KIAA0753: variants seen among roughly 807,000 people sequenced by gnomAD.
The protein encoded by KIAA0753 is KIAA0753.
Under a neutral mutation model 116.9 loss-of-function variants are expected in KIAA0753, and 114 were observed. The ratio of observed to expected loss-of-function variants is 0.98; its 90% CI spans 0.84 to 1.14. KIAA0753 has a LOEUF of 1.14. Ranked by LOEUF, KIAA0753 falls within the 50% of genes most tolerant of loss-of-function variation. KIAA0753 has a pLI of 0.00. For synonymous variants in KIAA0753, 405 were observed against 413.1 expected (o/e 0.98, Z 0.24); for missense variants, 1,156 against 1,172.4 (o/e 0.99, Z 0.20).
At chr17:6,584,403 G>C (rs1968414235) in intron 18 of KIAA0753, among the ~76,000 whole-genome samples, 1 of 152,198 alleles carries the variant, frequency 6.6e-6, no homozygotes, top group Non-Finnish European at 1.5e-5. Flanking sequence ...AGATTACCAA[G>C]TGCGTCATCA....
intron 16 of KIAA0753, among the ~76,000 whole-genome samples, chr17:6,593,466 C>G (rs1030115369): frequency 8.5e-5 from 13 of 152,058 alleles, no homozygotes; most frequent in Admixed American, 4.6e-4. Flanking sequence ...AATCCCAGCA[C>G]TTCCGGAGGC....
In KIAA0753 at chr17:6,608,216, T is replaced by C. The variant is rs1439490538; in HGVS notation, c.1829+132A>G. On this transcript the variant is annotated intron_variant, in intron 10 of 18. Coordinates refer to ENST00000361413, the MANE Select transcript of KIAA0753 (RefSeq NM_014804.3). The stretch of plus-strand genomic sequence containing the variant: ...AATAAACTACATTTTATGTATTTAT[T>C]CTATTTTTAAAAATAATCTACATTT... 1.9e-5 allele frequency: 8 copies of C among 425,132 alleles called. No homozygotes were observed. The East Asian group carries it at 2.6e-4, about 14-fold the overall frequency. The allele number at this position is 425,132 out of a possible 1,614,324, so 26.3% of individuals were successfully genotyped here. A position where few individuals can be genotyped will look rare whatever the true frequency, so the allele number is the denominator to read the frequency against.
rs1969016304 is a variant in KIAA0753, at chr17:6,591,068, G to GAAT, written c.2441-439_2441-438insATT. Among the ~76,000 whole-genome samples, 50 of 51,354 alleles carry GAAT rather than the reference G, an allele frequency of 9.7e-4. 3 individuals carry two copies. The highest frequency in any genetic ancestry group is 1.8e-3 in the Non-Finnish European group (44 of 23,798). 33.7% of individuals were successfully genotyped at this position (51,354 alleles called of 152,430 possible). ...AGAAGAAGAAGAAGAAGAAGAAGAA[G>GAAT]AAGAAGAAGAAGAAGAAGAAGAAGA... On this transcript the variant is annotated intron_variant, in intron 16 of 18. Coordinates refer to ENST00000361413, the MANE Select transcript of KIAA0753 (RefSeq NM_014804.3).
At position 6,579,038 on chromosome 17, in the gene KIAA0753, T is replaced by A. The variant is rs957418482; in HGVS notation, c.*709A>T. ...TCCTCTCCTGATTCCTCAAACTTCC[T>A]CTGAATCCAGAGAAAGTTTTTTATA... is the stretch of plus-strand genomic sequence containing the variant. On this transcript the variant is annotated 3_prime_UTR_variant, in exon 19 of 19. Transcript: ENST00000361413. The A allele has an allele frequency of 1.3e-5, 2 of 152,206 alleles. No homozygotes were observed. The highest frequency in any genetic ancestry group is 4.8e-5 in the African/African-American group (2 of 41,430). The allele number at this position is 152,206 out of a possible 1,614,324, so 9.4% of individuals were successfully genotyped here.
In KIAA0753 at chr17:6,596,221, G is replaced by T. The variant is rs778837881; in HGVS notation, c.2295C>A (p.Thr765=). ...AKILGSETLA[T]VEDSKDSPDL... ...CTGGGCTATCCTTGCTGTCCTCAAC[G>T]GTGGCTAAGGTTTCAGACCCCAAGA... Residue 765 remains threonine, a synonymous_variant, in exon 15 of 19, where the codon ACC becomes ACA. Transcript: ENST00000361413. 6.2e-7 allele frequency: 1 copy of T among 1,613,712 alleles called. No individual in the cohort carries two copies. Among genetic ancestry groups the T allele is most frequent in the Non-Finnish European group, 8.5e-7 (1 of 1,179,860 alleles).
chr17:6,624,297 C>A (rs1971514593), intron 4 of KIAA0753, among the ~76,000 whole-genome samples: 1 of 152,128 alleles, frequency 6.6e-6, no homozygotes, highest in South Asian at 2.1e-4. Context: ...TTTACTATTA[C>A]AAGCTTCTAT....
intron 7 of KIAA0753, among the ~76,000 whole-genome samples, chr17:6,619,094 T>A (rs554573859): frequency 2.0e-5 from 3 of 152,186 alleles, no homozygotes; most frequent in African/African-American, 7.2e-5. Flanking sequence ...CTGGGCGTGG[T>A]GGCACGCACC....
At position 6,610,174 on chromosome 17, in the gene KIAA0753, G is replaced by A; in HGVS notation, c.1546-14C>T. 6.2e-7 allele frequency: 1 copy of A among 1,613,652 alleles called. No homozygotes were observed. The highest frequency in any genetic ancestry group is 8.5e-7 in the Non-Finnish European group (1 of 1,179,644). On this transcript the variant is annotated splice_polypyrimidine_tract_variant and intron_variant, in intron 8 of 18. Transcript: ENST00000361413. ...TTTGCGGAGTCCCTGTGAGAGATAA[G>A]TAAGAATTATAAGGCCACACAAATA...
At chr17:6,628,048 C>T (rs1166337027) in intron 3 of KIAA0753, 69 bp downstream of exon 3, 143 of 1,455,458 alleles carry the variant, frequency 9.8e-5, no homozygotes, top group Non-Finnish European at 7.5e-6. Context: ...TGAGGGTCCT[C>T]AAGGAATGCA....
At chr17:6,618,222 T>C (rs1224382501) in intron 7 of KIAA0753, among the ~76,000 whole-genome samples, 1 of 152,234 alleles carries the variant, frequency 6.6e-6, no homozygotes, top group African/African-American at 2.4e-5. Context: ...GGAAGCTCTG[T>C]GCCCTTCCAC....
At chr17:6,635,912 C>T (rs7223918) in intron 1 of KIAA0753, 105,598 of 152,114 alleles carry the variant, frequency 0.69, 37,546 homozygotes, top group African/African-American at 0.87. Flanking sequence ...TTCACATGTA[C>T]ATGTCTCATC....
At chr17:6,604,999 GC>G (rs1417770417) in intron 12 of KIAA0753, among the ~76,000 whole-genome samples, 1 of 149,196 alleles carries the variant, frequency 6.7e-6, no homozygotes, top group African/African-American at 2.5e-5. Flanking sequence ...CCTAACCCCA[GC>G]CCTCCGGGAG....
chr17:6,623,391 A>G, intron 5 of KIAA0753, 118 bp downstream of exon 5: 1 of 810,692 alleles, frequency 1.2e-6, no homozygotes, highest in Non-Finnish European at 2.0e-6. Context: ...TCCCTCACTA[A>G]CAGGTTTCTG....
chr17:6,592,168 A>G (rs1969118952), intron 16 of KIAA0753, among the ~76,000 whole-genome samples: 1 of 152,252 alleles, frequency 6.6e-6, no homozygotes, highest in South Asian at 2.1e-4. Context: ...ACAGTAGCAA[A>G]GCACAGAGCA....
At position 6,607,275 on chromosome 17, in the gene KIAA0753, C is replaced by T; in HGVS notation, c.1830-5G>A. 6.2e-7 allele frequency: 1 copy of T among 1,613,736 alleles called. No individual in the cohort carries two copies. Among genetic ancestry groups the T allele is most frequent in the South Asian group, 1.1e-5 (1 of 91,078 alleles). ...TCAGCATCAAGCCAAGCGAGCCTAGCAGACAGTCAAAAGAGTCAAACCAAT... is the reference window on the plus strand; with the variant it reads ...TCAGCATCAAGCCAAGCGAGCCTAGTAGACAGTCAAAAGAGTCAAACCAAT... On this transcript the variant is annotated splice_polypyrimidine_tract_variant and splice_region_variant and intron_variant, in intron 10 of 18. Transcript: ENST00000361413.
intron 3 of KIAA0753, among the ~76,000 whole-genome samples, chr17:6,627,367 G>A (rs1486675731): frequency 2.0e-5 from 3 of 152,130 alleles, no homozygotes. Flanking sequence ...AGGTACATAT[G>A]CATATATTAA....
intron 15 of KIAA0753, among the ~76,000 whole-genome samples, chr17:6,595,783 A>G (rs1198123998): frequency 1.3e-5 from 2 of 152,220 alleles, no homozygotes; most frequent in South Asian, 2.1e-4. Context: ...CCAGCTGGGA[A>G]GAGGAGGCAA....
At chr17:6,610,693 T>C (rs1970484530) in intron 8 of KIAA0753, among the ~76,000 whole-genome samples, 1 of 151,926 alleles carries the variant, frequency 6.6e-6, no homozygotes, top group Non-Finnish European at 1.5e-5. Context: ...GCTAATTTTT[T>C]ATTTTTTGTA....
intron 1 of KIAA0753, chr17:6,636,380 C>T (rs1972321741): frequency 6.6e-6 from 1 of 152,106 alleles, no homozygotes; most frequent in African/African-American, 2.4e-5. Context: ...AGATCTGCCA[C>T]TTTTAAATGG....
Sources: allele counts gnomAD v4.1 joint callset (sites outside exome capture counted in the v4.1 genomes callset), GRCh38; gene constraint gnomAD v4.1.1; transcripts MANE v1.5; gene names NCBI Gene and HGNC (gene_info 2026-07-23, HGNC 2026-07-21).